ABCA2: variants seen among roughly 807,000 people sequenced by gnomAD.
ABCA2 encodes ATP-binding cassette sub-family A member 2.
Under a neutral mutation model 262.8 loss-of-function variants are expected in ABCA2, and 84 were observed. The observed-to-expected ratio is 0.32, with a 90% CI of 0.27 to 0.38. ABCA2 has a LOEUF of 0.38. Ranked by LOEUF, ABCA2 falls within the 10% of genes least tolerant of loss-of-function variation. The pLI is 1.00. For synonymous variants in ABCA2, 1,696 were observed against 1,502.9 expected (o/e 1.13, Z -2.97); for missense variants, 2,662 against 3,405.9 (o/e 0.78, Z 5.44).
chr9:137,007,648 C>T lies in ABCA2; in HGVS notation c.*281G>A. The T allele has an allele frequency of 1.8e-6, 1 of 541,688 alleles. No individual in the cohort carries two copies. Among genetic ancestry groups the T allele is most frequent in the Non-Finnish European group, 3.3e-6 (1 of 301,094 alleles). 33.6% of individuals were successfully genotyped at this position (541,688 alleles called of 1,614,324 possible). A position where few individuals can be genotyped will look rare whatever the true frequency, so the allele number is the denominator to read the frequency against. On this transcript the variant is annotated 3_prime_UTR_variant, in exon 49 of 49. Coordinates refer to ENST00000341511, the MANE Select transcript of ABCA2 (RefSeq NM_001606.5). ...GCCTTGGGCGGTGAGCAGTGCCAGG[C>T]AGGGGCGAGGGGCCGGGCAGACCCC...
Position 137,028,104 on chromosome 9 carries a change from TC to T in ABCA2, c.36del (p.Trp12Ter). 1 of 988,746 alleles carries T rather than the reference TC, an allele frequency of 1.0e-6. No homozygotes were observed. 61.2% of individuals were successfully genotyped at this position (988,746 alleles called of 1,614,324 possible). Reference sequence around the variant, plus strand: ...CTCCGGCGTTTGAGCGTCACGTTCTTCCAGAGCAGCAGCTGCAGCTGGTGCA... The same window carrying T: ...CTCCGGCGTTTGAGCGTCACGTTCTTCAGAGCAGCAGCTGCAGCTGGTGCA... ...GFLHQLQLLLWKNVTLKRRSP... is the reference protein window; with the variant it reads ...GFLHQLQLLLXKNVTLKRRSP... On this transcript the variant is annotated frameshift_variant, in exon 1 of 49. Transcript: ENST00000341511. LOFTEE classifies it high-confidence loss of function. The surrounding 1 kb of genome is among the most constrained non-coding windows in gnomAD (Gnocchi z 6.9).
intron 2 of ABCA2, 35 bp downstream of exon 2, chr9:137,024,108 C>A: frequency 6.3e-7 from 1 of 1,584,884 alleles, no homozygotes. Flanking sequence ...TGCCGCGCTC[C>A]CCCGGCTGTG....
chr9:137,027,196 G>A (rs554047208), intron 1 of ABCA2, among the ~76,000 whole-genome samples: 4 of 152,336 alleles, frequency 2.6e-5, no homozygotes, highest in African/African-American at 9.6e-5. Context: ...CTGTGGCCTG[G>A]GAGGTGTCCC....
In ABCA2 at chr9:137,020,800, C is replaced by A. The variant is rs761731074; in HGVS notation, c.1159G>T (p.Ala387Ser). 6.3e-7 allele frequency: 1 copy of A among 1,580,950 alleles called. No individual in the cohort carries two copies. Among genetic ancestry groups the A allele is most frequent in the Non-Finnish European group, 8.6e-7 (1 of 1,164,724 alleles). The change falls in exon 9 of 49, where the codon GCA becomes TCA. Residue 387 changes from alanine to serine, a missense_variant. Coordinates refer to ENST00000341511, the MANE Select transcript of ABCA2 (RefSeq NM_001606.5). ...GTGGCCAGTGCTGCAGCAGAGGGTGCGCCCTCCTCAGCGGTGGCGTTGGGG... is the reference window on the plus strand; with the variant it reads ...GTGGCCAGTGCTGCAGCAGAGGGTGAGCCCTCCTCAGCGGTGGCGTTGGGG... ...MGPNATAEEG[A>S]PSAAALATPD...
intron 39 of ABCA2, 85 bp downstream of exon 39, chr9:137,010,888 C>CCCCCACCCCCGCCCCGACCCTG: frequency 2.3e-6 from 1 of 425,606 alleles, no homozygotes; most frequent in Non-Finnish European, 4.5e-6. Context: ...CCCATCCCTG[C>CCCCCACCCCCGCCCCGACCCTG]CCCCACCCCC....
intron 45 of ABCA2, 37 bp downstream of exon 45, chr9:137,009,318 GCCGCCCCCCCCGGGC>G: frequency 1.4e-6 from 2 of 1,431,750 alleles, no homozygotes; most frequent in Non-Finnish European, 1.9e-6. Context: ...CCGCTGCCTG[GCCGCCCCCCCCGGGC>G]CCGCCCCAGC....
In ABCA2 at chr9:137,021,678, C is replaced by T; in HGVS notation, c.679-68G>A. On this transcript the variant is annotated intron_variant, in intron 7 of 48. Transcript: ENST00000341511. This position sits in a 1 kb window ranked among gnomAD's most constrained non-coding sequence, Gnocchi z 6.0. ...TGTCCCCAACCACTAGGGCCTCAGG[C>T]CTCACCCTGCCCCACCCACTGGCTG... The T allele has an allele frequency of 6.8e-7, 1 of 1,474,568 alleles. No individual in the cohort carries two copies. The highest frequency in any genetic ancestry group is 9.2e-7 in the Non-Finnish European group (1 of 1,092,804). The allele number at this position is 1,474,568 out of a possible 1,614,324, so 91.3% of individuals were successfully genotyped here. A position where few individuals can be genotyped will look rare whatever the true frequency, so the allele number is the denominator to read the frequency against.
chr9:137,010,558 G>GC, intron 40 of ABCA2, 62 bp downstream of exon 40: 1 of 1,581,782 alleles, frequency 6.3e-7, no homozygotes. Flanking sequence ...CACTGCTGGG[G>GC]CCCCACCCCC....
At position 137,009,232 on chromosome 9, in the gene ABCA2, T is replaced by TC. The variant is rs1301487012; in HGVS notation, c.6827+137dup. On this transcript the variant is annotated intron_variant, in intron 45 of 48. Coordinates refer to ENST00000341511, the MANE Select transcript of ABCA2 (RefSeq NM_001606.5). ...TCCTCCCCTGGCCCCACTGCCCCAG[T>TC]CCCCCCAGCCCCAGTGCCCCCAGCC... 2.3e-5 allele frequency: 12 copies of TC among 514,596 alleles called. No homozygotes were observed. The African/African-American group carries it at 3.4e-4, about 15-fold the overall frequency. The allele number at this position is 514,596 out of a possible 1,614,324, so 31.9% of individuals were successfully genotyped here.
In ABCA2 at chr9:137,012,305, A is replaced by C; in HGVS notation, c.5259T>G (p.Arg1753=). ...TGCCCTTGCTCTTGGGCAGGTTGGC[A>C]CGCAGGATGGCGTTGTTGAGGCTGT... ...YLNSLNNAIL[R]ANLPKSKGNP... Residue 1753 remains arginine, a synonymous_variant, in exon 33 of 49, where the codon CGT becomes CGG. Transcript: ENST00000341511. The C allele has an allele frequency of 6.4e-7, 1 of 1,566,086 alleles. No individual in the cohort carries two copies. The highest frequency in any genetic ancestry group is 8.7e-7 in the Non-Finnish European group (1 of 1,152,056).
At position 137,014,222 on chromosome 9, in the gene ABCA2, CGCCATAGACGTCGGTGTA is replaced by C; in HGVS notation, c.4168_4185del (p.Tyr1390_Gly1395del). ...GGGTTATCAAAGAGGGGGCGGTAGT[CGCCATAGACGTCGGTGTA>C]GCCAGCTCCCTCGTCGCCACGGGCA... On this transcript the variant is annotated inframe_deletion, in exon 27 of 49. Coordinates refer to ENST00000341511, the MANE Select transcript of ABCA2 (RefSeq NM_001606.5). 6.2e-7 allele frequency: 1 copy of C among 1,609,676 alleles called. No individual in the cohort carries two copies. Among genetic ancestry groups the C allele is most frequent in the Non-Finnish European group, 8.5e-7 (1 of 1,178,528 alleles).
At chr9:137,020,537 C>T (rs971117519) in intron 9 of ABCA2, 42 bp from the exon 10 acceptor site, 1 of 1,552,808 alleles carries the variant, frequency 6.4e-7, no homozygotes, top group African/African-American at 1.4e-5. Context: ...CGTTAGGGGG[C>T]AGGGCCGCGA....
chr9:137,011,562 C>T lies in ABCA2; in HGVS notation c.5652-8G>A. 1 of 1,572,130 alleles carries T rather than the reference C, an allele frequency of 6.4e-7. No homozygotes were observed. Among genetic ancestry groups the T allele is most frequent in the Non-Finnish European group, 8.6e-7 (1 of 1,158,982 alleles). ...ATGGGCGTGATGGACCACCTGCGGG[C>T]AGGTGGCGGGCAGTGGTCACCAGGC... On this transcript the variant is annotated splice_region_variant and splice_polypyrimidine_tract_variant and intron_variant, in intron 36 of 48. Coordinates refer to ENST00000341511, the MANE Select transcript of ABCA2 (RefSeq NM_001606.5). The surrounding 1 kb of genome is among the most constrained non-coding windows in gnomAD (Gnocchi z 8.8).
intron 18 of ABCA2, 22 bp downstream of exon 18, chr9:137,017,174 C>T (rs1349513894): frequency 6.2e-7 from 1 of 1,611,800 alleles, no homozygotes; most frequent in East Asian, 2.2e-5. Context: ...ACCCCAGCCG[C>T]CCGCCTGCCC....
Position 137,016,620 on chromosome 9 carries a change from ACT to A in ABCA2, c.2875_2876del (p.Ser959CysfsTer16). ...SWPWARTPRL[S>X]VMEEDQACAM... ...CACAGGCCTGGTCCTCCTCCATGAC[ACT>A]GAGGCGGGGGGTGCGTGCCCACGGC... On this transcript the variant is annotated frameshift_variant, in exon 20 of 49. Coordinates refer to ENST00000341511, the MANE Select transcript of ABCA2 (RefSeq NM_001606.5). LOFTEE classifies it high-confidence loss of function. 3 of 1,611,790 alleles carry A rather than the reference ACT, an allele frequency of 1.9e-6. No homozygotes were observed. Among genetic ancestry groups the A allele is most frequent in the Non-Finnish European group, 2.5e-6 (3 of 1,179,742 alleles).
intron 39 of ABCA2, 85 bp downstream of exon 39, chr9:137,010,888 C>G: frequency 3.3e-5 from 14 of 425,578 alleles, no homozygotes; most frequent in Non-Finnish European, 5.4e-5. Flanking sequence ...CCCATCCCTG[C>G]CCCCACCCCC....
Position 137,020,879 on chromosome 9 carries a change from T to TGGGGGTCC in ABCA2, c.1072_1079dup (p.Ala361AspfsTer77). On this transcript the variant is annotated frameshift_variant, in exon 9 of 49. Transcript: ENST00000341511. LOFTEE classifies it high-confidence loss of function. ...TGGCCGCCCCACCCGCACCACTGGC[T>TGGGGGTCC]GGGGGTCCGGGGGTCCGGCCAGTGC... 1 of 1,548,796 alleles carries TGGGGGTCC rather than the reference T, an allele frequency of 6.5e-7. No individual in the cohort carries two copies. Among genetic ancestry groups the TGGGGGTCC allele is most frequent in the Non-Finnish European group, 8.7e-7 (1 of 1,145,692 alleles).
chr9:137,017,317 G>A lies in ABCA2; in HGVS notation c.2432C>T (p.Ala811Val). The A allele has an allele frequency of 6.2e-7, 1 of 1,612,656 alleles. No homozygotes were observed. Among genetic ancestry groups the A allele is most frequent in the Non-Finnish European group, 8.5e-7 (1 of 1,179,898 alleles). The change falls in exon 18 of 49, where the codon GCC becomes GTC. Residue 811 changes from alanine to valine, a missense_variant. Ala to Val is a moderately conservative substitution (Grantham distance 64). This residue lies in a region of ABCA2 where 188 missense variants were observed against 343.4 expected (regional missense o/e 0.55). Coordinates refer to ENST00000341511, the MANE Select transcript of ABCA2 (RefSeq NM_001606.5). ...CFLVSVLYSK[A>V]KLASACGGII... is the part of the protein sequence containing the mutation. ...GCCACCGCAGGCCGAGGCCAGCTTGGCCTTGGAGTACAGCACAGACACCAG... is the reference window on the plus strand; with the variant it reads ...GCCACCGCAGGCCGAGGCCAGCTTGACCTTGGAGTACAGCACAGACACCAG...
intron 3 of ABCA2, chr9:137,023,504 C>T (rs373975604): frequency 5.9e-5 from 44 of 742,944 alleles, no homozygotes; most frequent in African/African-American, 3.6e-4. Context: ...GTAGCCAGGC[C>T]GCTCCAGCCC....
Sources: gnomAD v4.1 joint callset for allele counts (sites outside exome capture counted in the v4.1 genomes callset) on GRCh38, gnomAD v4.1.1 for gene constraint, gnomAD v4.1.1 regional missense constraint, Gnocchi (gnomAD v3.1) non-coding constraint, MANE v1.5 for transcripts, NCBI Gene and HGNC (gene_info 2026-07-23, HGNC 2026-07-21) for gene names.